Variants in SPACA6 observed in about 807,000 individuals in gnomAD.
SPACA6 encodes sperm acrosome associated 6.
For synonymous variants in SPACA6, 6 were observed against 1.5 expected, an observed-to-expected ratio of 4.05 and a Z score of -2.21; for missense variants, 8 against 2.8, an observed-to-expected ratio of 2.88 and a Z score of -1.34.
chr19:51,703,283 C>T lies in SPACA6; in HGVS notation c.519C>T (p.Asn173=), dbSNP rs866843864. The change falls in exon 6 of 9, where the codon AAC becomes AAT. Residue 173 remains asparagine (N), a synonymous_variant. Coordinates refer to ENST00000637797, the MANE Select transcript of SPACA6 (RefSeq NM_001316972.2). The surrounding 1 kb of genome is among the most constrained non-coding windows in gnomAD (Gnocchi z 4.2). ...AGGCTATGTTTTCTTGCATCGTAAA[C>T]TTCCAGCTGCCAAAGGAGGAGATCA... ...GDQAMFSCIV[N]FQLPKEEITY... The T allele has an allele frequency of 5.0e-6, 2 of 399,392 alleles. No homozygotes were observed. Among genetic ancestry groups the T allele is most frequent in the African/African-American group, 2.1e-5 (1 of 48,744 alleles). The allele number at this position is 399,392 out of a possible 1,614,324, so 24.7% of individuals were successfully genotyped here. A position where few individuals can be genotyped will look rare whatever the true frequency, so the allele number is the denominator to read the frequency against.
chr19:51,693,808 G>A (rs1213141767), intron 1 of SPACA6, 68 bp downstream of exon 1: 2 of 402,950 alleles, frequency 5.0e-6, no homozygotes, highest in Non-Finnish European at 8.8e-6. Context: ...GAGAGGCCCA[G>A]AGGGTCAGGC....
upstream of SPACA6, among the ~76,000 whole-genome samples, chr19:51,684,955 G>A (rs140255783): frequency 7.0e-3 from 1,062 of 152,316 alleles, 5 homozygotes; most frequent in South Asian, 0.029. Flanking sequence ...TGGAAGGATT[G>A]TCTGGTGGTG....
At chr19:51,692,007 G>A (rs1300301372), upstream of SPACA6, among the ~76,000 whole-genome samples, 1 of 152,170 alleles carries the variant, frequency 6.6e-6, no homozygotes, top group South Asian at 2.1e-4. The surrounding 1 kb of genome is among the most constrained non-coding windows in gnomAD (Gnocchi z 5.6). Context: ...TCAGGGAGAG[G>A]ACTGGTGCTC....
chr19:51,699,453 T>C (rs2083453307), intron 2 of SPACA6, among the ~76,000 whole-genome samples: 1 of 152,232 alleles, frequency 6.6e-6, no homozygotes, highest in East Asian at 1.9e-4. Context: ...TATAGGTATT[T>C]GGAGGCAGTG....
Position 51,694,504 on chromosome 19 carries a change from G to A in SPACA6, c.241G>A (p.Asp81Asn). The change falls in exon 2 of 9, where the codon GAC becomes AAC. Residue 81 changes from aspartate (D) to asparagine (N), a missense_variant. Asp to Asn is a conservative substitution (Grantham distance 23). Transcript: ENST00000637797. ...CTATGATGAGAGAAGCCACCTGCAT[G>A]ACACCTTCACCCAGATGACCCATGC... Reference protein sequence around the residue: ...INYDERSHLHDTFTQMTHALQ... With the variant: ...INYDERSHLHNTFTQMTHALQ... 1 of 399,784 alleles carries A rather than the reference G, an allele frequency of 2.5e-6. No individual in the cohort carries two copies. The highest frequency in any genetic ancestry group is 4.4e-6 in the Non-Finnish European group (1 of 226,610). 24.8% of individuals were successfully genotyped at this position (399,784 alleles called of 1,614,324 possible). A position where few individuals can be genotyped will look rare whatever the true frequency, so the allele number is the denominator to read the frequency against.
intron 3 of SPACA6, 121 bp from the exon 4 acceptor site, chr19:51,702,508 C>A (rs900359424): frequency 1.3e-5 from 5 of 394,978 alleles, no homozygotes; most frequent in African/African-American, 4.1e-5. Context: ...CAGGTTATGA[C>A]GAAAGCTTGG....
downstream of SPACA6, among the ~76,000 whole-genome samples, chr19:51,706,571 C>T (rs1025722353): frequency 9.2e-5 from 14 of 152,152 alleles, no homozygotes; most frequent in Non-Finnish European, 2.9e-5. Context: ...TGCACAGATC[C>T]CAGATCAAAT....
chr19:51,707,209 C>T (rs1047730054), downstream of SPACA6, among the ~76,000 whole-genome samples: 1 of 149,034 alleles, frequency 6.7e-6, no homozygotes, highest in African/African-American at 2.5e-5. Flanking sequence ...GACAGTAAAA[C>T]AAAACTGTTT....
At chr19:51,704,502 G>T (rs1408788079) in intron 8 of SPACA6, 22 bp downstream of exon 8, 1 of 401,054 alleles carries the variant, frequency 2.5e-6, no homozygotes, top group Non-Finnish European at 4.4e-6. Flanking sequence ...GGACTCCGGA[G>T]CCCCAGCATC....
intron 4 of SPACA6, 38 bp from the exon 5 acceptor site, chr19:51,702,983 G>A: frequency 2.5e-6 from 1 of 399,214 alleles, no homozygotes; most frequent in South Asian, 1.3e-4. Flanking sequence ...GGCTTGGAAG[G>A]GCAGGTGGCG....
At chr19:51,688,805 G>A (rs1276712481), upstream of SPACA6, among the ~76,000 whole-genome samples, 1 of 152,028 alleles carries the variant, frequency 6.6e-6, no homozygotes, top group East Asian at 1.9e-4. Flanking sequence ...AGGAAGGACA[G>A]ATGTGCAGAG....
chr19:51,688,902 GGAGA>G (rs138147326), upstream of SPACA6, among the ~76,000 whole-genome samples: 274 of 70,940 alleles, frequency 3.9e-3, 3 homozygotes, highest in Non-Finnish European at 1.3e-3. Flanking sequence ...AGGGAAAGAG[GGAGA>G]GAGAGAGAGA....
chr19:51,711,259 A>C (rs1270936974), intron 2 of SPACA6, among the ~76,000 whole-genome samples: 2 of 152,184 alleles, frequency 1.3e-5, no homozygotes, highest in Admixed American at 6.5e-5. Context: ...AAGCATGACC[A>C]TCTGATTGGC....
At chr19:51,683,391 C>T in the SPACA6 span, among the ~76,000 whole-genome samples, 2 of 152,256 alleles carry the variant, frequency 1.3e-5, no homozygotes, top group East Asian at 1.9e-4. Context: ...GTCACATTCA[C>T]AGGTACAGGG....
downstream of SPACA6, among the ~76,000 whole-genome samples, chr19:51,705,896 C>A (rs1464678813): frequency 6.6e-6 from 1 of 152,096 alleles, no homozygotes; most frequent in East Asian, 1.9e-4. Context: ...AGGGTTTCAC[C>A]ATGTGGCCAG....
chr19:51,704,313 G>C lies in SPACA6; in HGVS notation c.774G>C (p.Ser258=), dbSNP rs1468696239. Residue 258 remains serine (S), a synonymous_variant, in exon 8 of 9, where the codon TCG becomes TCC. Coordinates refer to ENST00000637797, the MANE Select transcript of SPACA6 (RefSeq NM_001316972.2). ...PPRAETELQA[S]FREVLRWAPR... is the part of the protein sequence containing the mutation. ...GGGCGGAGACAGAGTTGCAGGCCTC[G>C]TTCCGGGAAGTGCTGCGCTGGGCGC... 2 of 400,706 alleles carry C rather than the reference G, an allele frequency of 5.0e-6. No homozygotes were observed. The highest frequency in any genetic ancestry group is 8.8e-6 in the Non-Finnish European group (2 of 226,090). 24.8% of individuals were successfully genotyped at this position (400,706 alleles called of 1,614,324 possible). A position where few individuals can be genotyped will look rare whatever the true frequency, so the allele number is the denominator to read the frequency against.
chr19:51,693,064 G>A, upstream of SPACA6: 1 of 360,712 alleles, frequency 2.8e-6, no homozygotes. Context: ...TGGCTTCTGT[G>A]TCTCTTTCAC....
intron 4 of SPACA6, 86 bp from the exon 5 acceptor site, chr19:51,702,934 CG>C (rs1272613427): frequency 1.0e-5 from 4 of 399,022 alleles, no homozygotes; most frequent in Non-Finnish European, 1.8e-5. Context: ...CGATGGACCC[CG>C]GGAAGCTGCA....
At chr19:51,684,996 C>G (rs1019859036), upstream of SPACA6, among the ~76,000 whole-genome samples, 1 of 152,288 alleles carries the variant, frequency 6.6e-6, no homozygotes, top group Admixed American at 6.5e-5. Context: ...TAGGGTTGAT[C>G]CCTCACATGG....
Sources: gnomAD v4.1 joint callset for allele counts (sites outside exome capture counted in the v4.1 genomes callset) on GRCh38, gnomAD v4.1.1 for gene constraint, Gnocchi (gnomAD v3.1) non-coding constraint, MANE v1.5 for transcripts, NCBI Gene and HGNC (gene_info 2026-07-23, HGNC 2026-07-21) for gene names.